Variants in MACF1 observed in about 807,000 individuals in gnomAD.
MACF1 encodes the protein microtubule actin crosslinking factor 1.
A neutral mutation model predicts 854.8 loss-of-function variants in MACF1; 193 were observed. The observed-to-expected ratio is 0.23, with a 90% CI of 0.20 to 0.25. MACF1 has a LOEUF of 0.25. MACF1 is among the 10% of genes least tolerant of loss of function. The pLI is 1.00. For missense variants in MACF1, 7,722 were observed against 8,929.1 expected, an observed-to-expected ratio of 0.86 and a Z score of 5.45; for synonymous variants, 3,185 against 3,226.7, an observed-to-expected ratio of 0.99 and a Z score of 0.44.
intron 6 of MACF1, among the ~76,000 whole-genome samples, chr1:39,278,614 A>T (rs1406927973): frequency 6.6e-6 from 1 of 152,208 alleles, no homozygotes; most frequent in Non-Finnish European, 1.5e-5. Flanking sequence ...GTTTTACATC[A>T]ACAAATCTAT....
chr1:39,369,996 A>T, intron 50 of MACF1, 34 bp from the exon 51 acceptor site: 1 of 1,588,604 alleles, frequency 6.3e-7, no homozygotes, highest in Non-Finnish European at 8.6e-7. Flanking sequence ...TATAAAACTT[A>T]GTCTGGCAAG....
intron 1 of MACF1, among the ~76,000 whole-genome samples, chr1:39,220,500 T>TTA (rs35349630): frequency 1.3e-5 from 2 of 148,808 alleles, no homozygotes; most frequent in African/African-American, 2.5e-5. Flanking sequence ...TTTTTTTTTT[T>TTA]AAGACAGAAT....
chr1:39,129,525 C>T (rs933792772), intron 2 of MACF1, among the ~76,000 whole-genome samples: 5 of 152,118 alleles, frequency 3.3e-5, no homozygotes, highest in African/African-American at 1.2e-4. Context: ...TAGAGTGAAT[C>T]TGGAGAAAAG....
In MACF1 at chr1:39,451,598, C is replaced by T. The variant is rs142660319; in HGVS notation, c.20418+387C>T. On this transcript the variant is annotated intron_variant, in intron 85 of 100. Transcript: ENST00000564288. ...AACCTAACAATCCTAACACCAGGCACGCCAATATTTAACATAATCTCTATC... is the reference window on the plus strand; with the variant it reads ...AACCTAACAATCCTAACACCAGGCATGCCAATATTTAACATAATCTCTATC... Among the ~76,000 whole-genome samples the T allele has an allele frequency of 3.4e-3, 523 of 152,104 alleles. 4 individuals are homozygous for T. The highest frequency in any genetic ancestry group is 0.012 in the African/African-American group (502 of 41,504).
At position 39,484,689 on chromosome 1, in the gene MACF1, G is replaced by T. The variant is rs1389720395; in HGVS notation, c.22370G>T (p.Ser7457Ile). 4 of 1,614,034 alleles carry T rather than the reference G, an allele frequency of 2.5e-6. No homozygotes were observed. The highest frequency in any genetic ancestry group is 3.4e-6 in the Non-Finnish European group (4 of 1,180,022). Residue 7457 changes from serine to isoleucine, a missense_variant, in exon 100 of 101, where the codon AGT becomes ATT. By Grantham distance (142) the Ser-to-Ile change is moderately radical. This residue lies in a region of MACF1 where 185 missense variants were observed against 225.7 expected (regional missense o/e 0.82). Transcript: ENST00000564288. ...TCCCTTGCTGGTGATACCAGCAATA[G>T]TTCTTCCCCGGCCTCCACAGGTGCC... Reference protein sequence around the residue: ...RTSLAGDTSNSSSPASTGAKT... With the variant: ...RTSLAGDTSNISSPASTGAKT...
intron 2 of MACF1, among the ~76,000 whole-genome samples, chr1:39,190,296 TC>T (rs1306395112): frequency 6.6e-6 from 1 of 151,744 alleles, no homozygotes; most frequent in Non-Finnish European, 1.5e-5. Flanking sequence ...CTTTCTTTTT[TC>T]CTCCCCTCCC....
chr1:39,415,852 CTGAG>C (rs1322110186), intron 58 of MACF1, among the ~76,000 whole-genome samples: 8 of 152,140 alleles, frequency 5.3e-5, no homozygotes, highest in Non-Finnish European at 1.2e-4. Context: ...CAAGAGATGA[CTGAG>C]TGAGAAGATT....
intron 58 of MACF1, among the ~76,000 whole-genome samples, chr1:39,389,032 A>G (rs1362603548): frequency 6.7e-6 from 1 of 149,606 alleles, no homozygotes; most frequent in East Asian, 2.0e-4. Flanking sequence ...GCGCCACCAT[A>G]CCCGGCTAAT....
At chr1:39,370,389 A>T (rs1232345243) in intron 51 of MACF1, among the ~76,000 whole-genome samples, 1 of 152,216 alleles carries the variant, frequency 6.6e-6, no homozygotes, top group Non-Finnish European at 1.5e-5. Context: ...TGTATGTTTG[A>T]GAATTAGACA....
At chr1:39,200,808 C>T (rs920783970), upstream of MACF1, among the ~76,000 whole-genome samples, 5 of 151,928 alleles carry the variant, frequency 3.3e-5, no homozygotes, top group African/African-American at 1.2e-4. Flanking sequence ...GGCATGGTGG[C>T]TCAAGCCTGT....
rs1409573634 is a variant in MACF1 at position 39,370,153 on chromosome 1, T to C, written c.13062T>C (p.Ala4354=). The change falls in exon 51 of 101, where the codon GCT becomes GCC. Residue 4354 remains alanine (A), a synonymous_variant. Transcript: ENST00000564288. ...CACCTACGGAAACTTCTATGAGTGC[T>C]AAAGAGTTAGAAAAGCAGATTGAAC... The part of the protein sequence containing the change: ...SIPPTETSMS[A]KELEKQIEHL... The C allele has an allele frequency of 6.2e-7, 1 of 1,613,486 alleles. No homozygotes were observed. Among genetic ancestry groups the C allele is most frequent in the East Asian group, 2.2e-5 (1 of 44,848 alleles).
At chr1:39,254,212 C>T (rs1214545901) in intron 4 of MACF1, 86 bp from the exon 5 acceptor site, 3 of 1,132,822 alleles carry the variant, frequency 2.6e-6, no homozygotes, top group Non-Finnish European at 3.9e-6. Context: ...TTGTGTGGTC[C>T]TTTAGTCCTG....
intron 1 of MACF1, among the ~76,000 whole-genome samples, chr1:39,219,115 T>C (rs1345574928): frequency 6.6e-6 from 1 of 152,232 alleles, no homozygotes; most frequent in Non-Finnish European, 1.5e-5. Context: ...GCATTGAAGC[T>C]TCTACAGTTG....
chr1:39,246,477 A>G (rs1644981837), intron 2 of MACF1, among the ~76,000 whole-genome samples: 1 of 152,096 alleles, frequency 6.6e-6, no homozygotes, highest in African/African-American at 2.4e-5. Flanking sequence ...CACACTGCAA[A>G]CTTGAAACCT....
At chr1:39,110,081 A>G (rs755050506) in intron 2 of MACF1, among the ~76,000 whole-genome samples, 2 of 152,156 alleles carry the variant, frequency 1.3e-5, no homozygotes, top group African/African-American at 4.8e-5. Flanking sequence ...AATAATTTTT[A>G]AAATAGTACA....
chr1:39,365,158 G>T (rs1381939835), intron 49 of MACF1, among the ~76,000 whole-genome samples: 1 of 151,928 alleles, frequency 6.6e-6, no homozygotes, highest in Non-Finnish European at 1.5e-5. Flanking sequence ...CTCACTGCAA[G>T]CTCTGCCTTC....
chr1:39,146,495 A>G (rs1643467751), intron 2 of MACF1, among the ~76,000 whole-genome samples: 1 of 152,092 alleles, frequency 6.6e-6, no homozygotes, highest in Admixed American at 6.6e-5. Context: ...ACATATACAC[A>G]ATAGAGTACT....
chr1:39,274,676 G>C (rs1235273795), intron 6 of MACF1, among the ~76,000 whole-genome samples: 3 of 152,146 alleles, frequency 2.0e-5, no homozygotes, highest in African/African-American at 4.8e-5. Context: ...TACTGAAAAG[G>C]GGTTACTATC....
intron 2 of MACF1, among the ~76,000 whole-genome samples, chr1:39,150,546 AC>A (rs1643558259): frequency 6.6e-6 from 1 of 152,142 alleles, no homozygotes; most frequent in African/African-American, 2.4e-5. Flanking sequence ...GGAGTGGAAA[AC>A]AAAAGATGTT....
Sources: gnomAD v4.1 joint callset for allele counts (sites outside exome capture counted in the v4.1 genomes callset) on GRCh38, gnomAD v4.1.1 for gene constraint, gnomAD v4.1.1 regional missense constraint, MANE v1.5 for transcripts, NCBI Gene and HGNC (gene_info 2026-07-23, HGNC 2026-07-21) for gene names.